PPFIA2: variants seen among roughly 807,000 people sequenced by gnomAD.
The protein encoded by PPFIA2 is liprin-alpha-2.
Under a neutral mutation model 175.5 loss-of-function variants are expected in PPFIA2, and 46 were observed. The observed-to-expected ratio is 0.26, with a 90% CI of 0.21 to 0.34. The LOEUF (loss-of-function observed/expected upper bound fraction) is 0.34, where lower values mean the gene tolerates loss of function less well. PPFIA2 is among the 10% of genes least tolerant of loss of function. PPFIA2 has a pLI of 1.00. For synonymous variants in PPFIA2, 568 were observed against 511.4 expected (o/e 1.11, Z -1.49); for missense variants, 1,179 against 1,506.1 (o/e 0.78, Z 3.60).
chr12:81,758,872 G>A (rs1044549247), intron 1 of PPFIA2, among the ~76,000 whole-genome samples: 2 of 152,018 alleles, frequency 1.3e-5, no homozygotes, highest in African/African-American at 2.4e-5. Flanking sequence ...CTCCGCGCCC[G>A]GGCCACCCGG....
At chr12:81,392,733 T>C (rs1448490805) in intron 8 of PPFIA2, among the ~76,000 whole-genome samples, 3 of 152,012 alleles carry the variant, frequency 2.0e-5, no homozygotes, top group Non-Finnish European at 4.4e-5. Flanking sequence ...TCAAACAGAC[T>C]TTCCAAACTC....
At chr12:81,720,088 T>C (rs1169669798) in intron 3 of PPFIA2, among the ~76,000 whole-genome samples, 1 of 151,448 alleles carries the variant, frequency 6.6e-6, no homozygotes, top group African/African-American at 2.4e-5. Context: ...TTCCCTACCT[T>C]AAGAGGTCAA....
intron 4 of PPFIA2, among the ~76,000 whole-genome samples, chr12:81,477,064 CGGGGG>C (rs2057565848): frequency 6.6e-6 from 1 of 151,648 alleles, no homozygotes; most frequent in Non-Finnish European, 1.5e-5. Flanking sequence ...TGGGTGGTAG[CGGGGG>C]AAGGGAGAGC....
At chr12:81,430,174 C>T (rs1361961672) in intron 7 of PPFIA2, 1 of 152,028 alleles carries the variant, frequency 6.6e-6, no homozygotes, top group Admixed American at 6.6e-5. Context: ...ACTGTGCTGC[C>T]ATCCATAATT....
At chr12:81,538,925 G>A (rs572591724) in intron 4 of PPFIA2, among the ~76,000 whole-genome samples, 2 of 152,022 alleles carry the variant, frequency 1.3e-5, no homozygotes, top group South Asian at 2.1e-4. Flanking sequence ...ACCATAGAGC[G>A]ACCAGGGTAG....
chr12:81,521,589 G>A (rs1053425373), intron 4 of PPFIA2, among the ~76,000 whole-genome samples: 1 of 151,152 alleles, frequency 6.6e-6, no homozygotes, highest in Non-Finnish European at 1.5e-5. Flanking sequence ...ACGCCGAGGC[G>A]GGCAGATCAC....
At chr12:81,299,829 CT>C (rs2047378096) in intron 22 of PPFIA2, among the ~76,000 whole-genome samples, 1 of 152,056 alleles carries the variant, frequency 6.6e-6, no homozygotes, top group Non-Finnish European at 1.5e-5. Flanking sequence ...AAATTTGGTC[CT>C]TTTAGTCACA....
At chr12:81,541,496 A>G (rs1277325854) in intron 4 of PPFIA2, among the ~76,000 whole-genome samples, 1 of 152,152 alleles carries the variant, frequency 6.6e-6, no homozygotes, top group South Asian at 2.1e-4. Context: ...AATATGCAAC[A>G]AAGTAAATCA....
At chr12:81,671,510 T>C (rs2071413424) in intron 4 of PPFIA2, among the ~76,000 whole-genome samples, 2 of 151,984 alleles carry the variant, frequency 1.3e-5, no homozygotes, top group South Asian at 4.1e-4. Flanking sequence ...AGTCTTTTCA[T>C]AGGTCTCTTT....
chr12:81,533,703 C>G (rs971994676), intron 4 of PPFIA2, among the ~76,000 whole-genome samples: 1 of 118,520 alleles, frequency 8.4e-6, no homozygotes, highest in African/African-American at 3.8e-5. Context: ...ATCTATCTAT[C>G]TATCTATCTA....
chr12:81,600,706 G>A (rs893070130), intron 4 of PPFIA2, among the ~76,000 whole-genome samples: 1 of 151,930 alleles, frequency 6.6e-6, no homozygotes, highest in Non-Finnish European at 1.5e-5. Context: ...CTAGATACGT[G>A]TTAGGATCTT....
chr12:81,360,243 A>T (rs1250489995), intron 15 of PPFIA2, among the ~76,000 whole-genome samples: 1 of 151,788 alleles, frequency 6.6e-6, no homozygotes, highest in East Asian at 1.9e-4. Context: ...TTCAATTTTT[A>T]AATCATTCTA....
chr12:81,678,591 T>TA (rs1275741175), intron 3 of PPFIA2, among the ~76,000 whole-genome samples: 2 of 151,856 alleles, frequency 1.3e-5, no homozygotes, highest in African/African-American at 2.4e-5. Flanking sequence ...TGTATATATA[T>TA]TTTTTCTCTA....
At chr12:81,688,116 T>G (rs2074695044) in intron 3 of PPFIA2, among the ~76,000 whole-genome samples, 1 of 152,024 alleles carries the variant, frequency 6.6e-6, no homozygotes. Flanking sequence ...TTAAACATTT[T>G]TCACCAGTCA....
At chr12:81,352,853 T>C (rs2060255637) in intron 17 of PPFIA2, among the ~76,000 whole-genome samples, 1 of 152,194 alleles carries the variant, frequency 6.6e-6, no homozygotes, top group African/African-American at 2.4e-5. Context: ...CTTATTCTTC[T>C]GTACTGTCAC....
chr12:81,378,167 T>C (rs2036825426), intron 9 of PPFIA2: 1 of 152,094 alleles, frequency 6.6e-6, no homozygotes, highest in Admixed American at 6.6e-5. Flanking sequence ...AATATGGCCC[T>C]GCTGAAACAT....
chr12:81,389,923 A>G (rs2142192995), intron 8 of PPFIA2, among the ~76,000 whole-genome samples: 1 of 152,166 alleles, frequency 6.6e-6, no homozygotes, highest in East Asian at 1.9e-4. Flanking sequence ...CTTAGTGGAA[A>G]TCTTATAATT....
chr12:81,677,156 G>A (rs935357569), intron 3 of PPFIA2, among the ~76,000 whole-genome samples: 5 of 151,678 alleles, frequency 3.3e-5, no homozygotes, highest in African/African-American at 9.7e-5. Flanking sequence ...TCAGTTTAAC[G>A]TACTATTTTG....
At chr12:81,508,521 CAAAAAAAA>C (rs544893385) in intron 4 of PPFIA2, among the ~76,000 whole-genome samples, 471 of 44,850 alleles carry the variant, frequency 0.011, 3 homozygotes, top group African/African-American at 0.034. Flanking sequence ...AATTCCACCT[CAAAAAAAA>C]AAAAAAAAAA....
Sources: gnomAD v4.1 joint callset for allele counts (sites outside exome capture counted in the v4.1 genomes callset) on GRCh38, gnomAD v4.1.1 for gene constraint, MANE v1.5 for transcripts, NCBI Gene and HGNC (gene_info 2026-07-23, HGNC 2026-07-21) for gene names.